The following VEZF1 variants were observed in gnomAD, a reference collection of about 807,000 sequenced individuals.
The protein encoded by VEZF1 is vascular endothelial zinc finger 1.
In VEZF1, 5 loss-of-function variants were observed where a neutral mutation model predicts 44.1. The observed-to-expected ratio is 0.11, with a 90% confidence interval of 0.06 to 0.24. The LOEUF is 0.24. Among genes scored for constraint, VEZF1 ranks in the 10% least tolerant of loss-of-function variants. The pLI, the probability that VEZF1 is intolerant of heterozygous loss-of-function variation, is 1.00. For missense variants in VEZF1, 358 were observed against 641.8 expected (o/e 0.56, Z 4.78); for synonymous variants, 236 against 233.1 (o/e 1.01, Z -0.11).
At chr17:57,983,665 A>C (rs1430887282) in intron 1 of VEZF1, among the ~76,000 whole-genome samples, 2 of 152,200 alleles carry the variant, frequency 1.3e-5, no homozygotes, top group Non-Finnish European at 2.9e-5. Flanking sequence ...CTGGTTCATA[A>C]GGGACAGACC....
chr17:57,979,033 T>A, intron 5 of VEZF1, 119 bp downstream of exon 5: 1 of 1,320,904 alleles, frequency 7.6e-7, no homozygotes, highest in Non-Finnish European at 1.0e-6. Context: ...CATGCACTAT[T>A]TCCATGTTTC....
chr17:57,982,599 C>T, intron 2 of VEZF1, 100 bp downstream of exon 2: 1 of 1,176,436 alleles, frequency 8.5e-7, no homozygotes, highest in Non-Finnish European at 1.2e-6. Context: ...CAGGTCTGCC[C>T]ACATCTGTTC....
intron 3 of VEZF1, among the ~76,000 whole-genome samples, chr17:57,981,015 G>T (rs1460693510): frequency 6.6e-6 from 1 of 152,174 alleles, no homozygotes; most frequent in Non-Finnish European, 1.5e-5. Context: ...CACAAAAAAT[G>T]TAAGCTTTAG....
intron 3 of VEZF1, among the ~76,000 whole-genome samples, 190 bp from the exon 4 acceptor site, chr17:57,980,976 A>G (rs1368006377): frequency 6.6e-6 from 1 of 152,232 alleles, no homozygotes; most frequent in Admixed American, 6.5e-5. Context: ...TTCCATTTTG[A>G]AGGAAGAAAA....
chr17:57,984,296 G>C (rs1460755196), intron 1 of VEZF1, among the ~76,000 whole-genome samples: 1 of 152,112 alleles, frequency 6.6e-6, no homozygotes, highest in African/African-American at 2.4e-5. Context: ...AATTCTTTTA[G>C]CCGCAATGAA....
chr17:57,985,217 A>C, intron 1 of VEZF1: 1 of 1,210,386 alleles, frequency 8.3e-7, no homozygotes, highest in African/African-American at 1.6e-5. Context: ...TCAACTCTAA[A>C]CAACCATTAG....
In VEZF1 at chr17:57,974,815, C is replaced by A. The variant is rs781487035; in HGVS notation, c.1224G>T (p.Ser408=). Residue 408 remains serine (S), a synonymous_variant, in exon 6 of 6, where the codon TCG becomes TCT. Transcript: ENST00000581208. ...TGACTGGGTTTGACATAGTCCCAGA[C>A]GACACAGAGGATGTTATACTGAATG... ...TTPFSITSSV[S]SGTMSNPVTV... The A allele has an allele frequency of 6.2e-7, 1 of 1,614,070 alleles. No individual in the cohort carries two copies.
At position 57,974,628 on chromosome 17, in the gene VEZF1, T is replaced by A; in HGVS notation, c.1411A>T (p.Thr471Ser). The change falls in exon 6 of 6, where the codon ACT becomes TCT. Residue 471 changes from threonine (T) to serine (S), a missense_variant. Thr to Ser is a moderately conservative substitution (Grantham distance 58). Around this residue, in one of 4 missense-constraint regions of VEZF1, gnomAD observed 171 missense variants for 272.4 expected, o/e 0.63. Transcript: ENST00000581208. ...GGGTGTGCTATATTCACTGGGGCAG[T>A]GACGGGGGTGGGGAGGTTGACTGGG... ...TTPVNLPTPV[T>S]APVNIAHPVT... The A allele has an allele frequency of 6.2e-7, 1 of 1,614,004 alleles. No individual in the cohort carries two copies. The highest frequency in any genetic ancestry group is 8.5e-7 in the Non-Finnish European group (1 of 1,180,018).
At chr17:57,983,718 C>G (rs1410531237) in intron 1 of VEZF1, among the ~76,000 whole-genome samples, 6 of 151,896 alleles carry the variant, frequency 4.0e-5, no homozygotes, top group Admixed American at 2.0e-4. Flanking sequence ...GCGCTGAAAC[C>G]AAGTTTAAAT....
At chr17:57,981,852 A>G (rs1323487252) in intron 3 of VEZF1, 21 bp downstream of exon 3, 4 of 1,609,706 alleles carry the variant, frequency 2.5e-6, no homozygotes, top group East Asian at 4.5e-5. Flanking sequence ...TACACTAAGG[A>G]TAAGTCATTT....
intron 5 of VEZF1, among the ~76,000 whole-genome samples, chr17:57,976,185 G>C (rs2075189133): frequency 6.6e-6 from 1 of 152,126 alleles, no homozygotes; most frequent in Non-Finnish European, 1.5e-5. Context: ...TGATGGGTAG[G>C]CTAGCTGTGA....
intron 5 of VEZF1, among the ~76,000 whole-genome samples, chr17:57,978,472 C>T (rs1381126421): frequency 1.3e-5 from 2 of 152,124 alleles, no homozygotes; most frequent in Non-Finnish European, 2.9e-5. Context: ...CAAAGCTGTA[C>T]TAGTAAGTTG....
At chr17:57,982,597 C>A in intron 2 of VEZF1, 102 bp downstream of exon 2, 1 of 1,150,574 alleles carries the variant, frequency 8.7e-7, no homozygotes, top group Non-Finnish European at 1.2e-6. Flanking sequence ...CACAGGTCTG[C>A]CCACATCTGT....
intron 2 of VEZF1, 143 bp from the exon 3 acceptor site, chr17:57,982,079 C>T: frequency 2.0e-5 from 15 of 768,632 alleles, no homozygotes; most frequent in Non-Finnish European, 3.0e-5. Flanking sequence ...TCCCCCGGTG[C>T]AAGTCTCCTT....
chr17:57,982,125 C>T (rs2075254636), intron 2 of VEZF1, among the ~76,000 whole-genome samples, 189 bp from the exon 3 acceptor site: 2 of 152,170 alleles, frequency 1.3e-5, no homozygotes, highest in African/African-American at 2.4e-5. Flanking sequence ...TAGGCCTCTA[C>T]CTGTTAATTT....
chr17:57,981,198 A>G (rs887882638), intron 3 of VEZF1, among the ~76,000 whole-genome samples: 1 of 152,346 alleles, frequency 6.6e-6, no homozygotes, highest in East Asian at 1.9e-4. Flanking sequence ...GCACTCACTC[A>G]ATGACACTAG....
At position 57,987,702 on chromosome 17, in the gene VEZF1, C is replaced by T. The variant is rs1030936967; in HGVS notation, c.33+377G>A. Reference sequence around the variant, plus strand: ...GGGGACCGGGCCGGCACGCAATGGCCCAGCAGCCCGCGCTATCCAGCGGCC... The same window carrying T: ...GGGGACCGGGCCGGCACGCAATGGCTCAGCAGCCCGCGCTATCCAGCGGCC... On this transcript the variant is annotated intron_variant, in intron 1 of 5. Coordinates refer to ENST00000581208, the MANE Select transcript of VEZF1 (RefSeq NM_007146.3). Among the ~76,000 whole-genome samples the T allele has an allele frequency of 3.9e-5, 6 of 152,208 alleles. No individual in the cohort carries two copies. The East Asian group carries it at 1.2e-3, about 30-fold the overall frequency.
Position 57,974,759 on chromosome 17 carries a change from G to A in VEZF1, c.1280C>T (p.Pro427Leu). The A allele has an allele frequency of 6.2e-7, 1 of 1,614,130 alleles. No individual in the cohort carries two copies. The highest frequency in any genetic ancestry group is 8.5e-7 in the Non-Finnish European group (1 of 1,180,024). Residue 427 changes from proline to leucine, a missense_variant, in exon 6 of 6, where the codon CCA becomes CTA. Transcript: ENST00000581208. ...TVAAAMSMRS[P>L]VNVSSAVNIT... ...GTTAACTGCACTTGAAACATTTACT[G>A]GACTTCTCATGCTCATTGCAGCTGC...
intron 5 of VEZF1, 131 bp from the exon 6 acceptor site, chr17:57,975,031 G>C: frequency 9.3e-7 from 1 of 1,075,418 alleles, no homozygotes; most frequent in South Asian, 1.7e-5. Context: ...TCTATCAAGC[G>C]GTCAACAGAA....
Sources: allele counts gnomAD v4.1 joint callset (sites outside exome capture counted in the v4.1 genomes callset), GRCh38; gene constraint gnomAD v4.1.1; regional missense constraint gnomAD v4.1.1; transcripts MANE v1.5; gene names NCBI Gene and HGNC (gene_info 2026-07-23, HGNC 2026-07-21).